The following CHST9 variants were observed in gnomAD, a reference collection of about 807,000 sequenced individuals.
The protein encoded by CHST9 is GalNAc-4-sulfotransferase 2.
CHST9 carries 41 observed loss-of-function variants against 44.4 expected under a neutral mutation model. That is an observed-to-expected ratio of 0.92 (90% CI 0.72 to 1.20). CHST9 has a LOEUF of 1.20. Ranked by LOEUF, CHST9 falls within the 50% of genes most tolerant of loss-of-function variation. CHST9 has a pLI of 0.00. For synonymous variants in CHST9, 171 were observed against 178.4 expected (o/e 0.96, Z 0.33); for missense variants, 504 against 516.5 (o/e 0.98, Z 0.23).
intron 4 of CHST9, among the ~76,000 whole-genome samples, chr18:27,007,612 A>G (rs960104015): frequency 6.6e-6 from 1 of 152,248 alleles, no homozygotes; most frequent in Non-Finnish European, 1.5e-5. Context: ...CAATAGAAGA[A>G]CAAAACTCAA....
chr18:26,984,732 A>AC (rs1449547450), intron 4 of CHST9, among the ~76,000 whole-genome samples: 1 of 150,066 alleles, frequency 6.7e-6, no homozygotes, highest in African/African-American at 2.4e-5. Flanking sequence ...CAAAAGACAA[A>AC]AAAAAAAAAA....
intron 4 of CHST9, among the ~76,000 whole-genome samples, chr18:27,005,763 G>T (rs1009741553): frequency 1.3e-5 from 2 of 152,040 alleles, no homozygotes; most frequent in African/African-American, 4.8e-5. Flanking sequence ...GAGGTGAGGG[G>T]GAAGCTCTTC....
intron 4 of CHST9, among the ~76,000 whole-genome samples, chr18:26,959,419 C>T (rs559692184): frequency 1.3e-5 from 2 of 152,296 alleles, no homozygotes; most frequent in South Asian, 4.1e-4. Flanking sequence ...TTCAGCATCA[C>T]ACAAGATACC....
chr18:27,082,952 T>G (rs1248973206), intron 2 of CHST9, among the ~76,000 whole-genome samples: 1 of 152,180 alleles, frequency 6.6e-6, no homozygotes, highest in Non-Finnish European at 1.5e-5. Flanking sequence ...CAACATCATG[T>G]TTCTTTGGTA....
intron 4 of CHST9, 37 bp from the exon 5 acceptor site, chr18:26,944,403 C>T (rs763070046): frequency 6.7e-7 from 1 of 1,481,778 alleles, no homozygotes; most frequent in Admixed American, 1.7e-5. Context: ...TACATTAAAG[C>T]ATGAAAATGA....
intron 1 of CHST9, among the ~76,000 whole-genome samples, chr18:27,172,003 G>T (rs1352447297): frequency 2.0e-5 from 3 of 152,116 alleles, no homozygotes; most frequent in Non-Finnish European, 4.4e-5. Flanking sequence ...CTAGAGGTCT[G>T]CATTCTGTTT....
intron 1 of CHST9, among the ~76,000 whole-genome samples, chr18:27,169,297 CATA>C (rs1394458765): frequency 6.6e-6 from 1 of 152,070 alleles, no homozygotes; most frequent in Non-Finnish European, 1.5e-5. Flanking sequence ...ATTTAGAAGT[CATA>C]AGCATATAGA....
rs1215867654 is a variant in CHST9 at position 26,915,013 on chromosome 18, G to A, written c.*1246C>T. 2.5e-6 allele frequency: 1 copy of A among 397,478 alleles called. No homozygotes were observed. The highest frequency in any genetic ancestry group is 4.4e-5 in the Admixed American group (1 of 22,672). The allele number at this position is 397,478 out of a possible 1,614,324, so 24.6% of individuals were successfully genotyped here. A position where few individuals can be genotyped will look rare whatever the true frequency, so the allele number is the denominator to read the frequency against. ...AAGGGATCTAATTTAGGATCCCTTG[G>A]AAAAAAATTCCAAAATGCATTACAA... On this transcript the variant is annotated 3_prime_UTR_variant, in exon 6 of 6. Transcript: ENST00000618847.
intron 2 of CHST9, among the ~76,000 whole-genome samples, chr18:27,058,083 G>A (rs1051679963): frequency 6.6e-6 from 1 of 152,204 alleles, no homozygotes; most frequent in South Asian, 2.1e-4. Flanking sequence ...TTTAGAGGTT[G>A]AAGTCAGACT....
intron 4 of CHST9, among the ~76,000 whole-genome samples, chr18:26,995,437 C>CAAAA (rs11284514): frequency 9.7e-6 from 1 of 102,678 alleles, no homozygotes; most frequent in Non-Finnish European, 2.0e-5. Context: ...GACTCCGTCT[C>CAAAA]AAAAAAAAAA....
chr18:27,076,263 A>G (rs566401471), intron 2 of CHST9, among the ~76,000 whole-genome samples: 7 of 152,326 alleles, frequency 4.6e-5, no homozygotes, highest in African/African-American at 1.7e-4. Flanking sequence ...CTGATATGGG[A>G]CAATTCCAGA....
chr18:27,000,295 C>T (rs139832426), intron 4 of CHST9, among the ~76,000 whole-genome samples: 94 of 152,248 alleles, frequency 6.2e-4, no homozygotes, highest in African/African-American at 2.1e-3. Flanking sequence ...ATTTGTTGGA[C>T]GTTTGAGGGC....
chr18:27,102,968 G>C (rs996452019), intron 2 of CHST9, among the ~76,000 whole-genome samples: 2 of 152,050 alleles, frequency 1.3e-5, no homozygotes, highest in Admixed American at 6.5e-5. Context: ...GTTTGTCATT[G>C]ACAAAGAGAC....
intron 2 of CHST9, among the ~76,000 whole-genome samples, chr18:27,064,908 A>G (rs941595956): frequency 6.6e-6 from 1 of 152,156 alleles, no homozygotes; most frequent in African/African-American, 2.4e-5. Flanking sequence ...CAAGCATCAC[A>G]TGCCACCTCT....
chr18:26,972,744 G>C (rs1439136274), intron 4 of CHST9, among the ~76,000 whole-genome samples: 2 of 152,248 alleles, frequency 1.3e-5, no homozygotes, highest in East Asian at 3.8e-4. Context: ...CGGCGAGCAA[G>C]ACAGTGATCC....
intron 5 of CHST9, among the ~76,000 whole-genome samples, chr18:26,933,314 T>C (rs1287143133): frequency 1.3e-5 from 2 of 152,218 alleles, no homozygotes; most frequent in Non-Finnish European, 2.9e-5. Context: ...GCTGAAAAAC[T>C]TGGGGTCACT....
At chr18:27,054,661 T>C (rs2057631891) in intron 2 of CHST9, among the ~76,000 whole-genome samples, 1 of 152,116 alleles carries the variant, frequency 6.6e-6, no homozygotes, top group African/African-American at 2.4e-5. Flanking sequence ...ATGGAAGTAG[T>C]CTCTTAATCA....
intron 4 of CHST9, among the ~76,000 whole-genome samples, chr18:27,002,917 A>G (rs2056970486): frequency 6.6e-6 from 1 of 152,214 alleles, no homozygotes; most frequent in Non-Finnish European, 1.5e-5. Flanking sequence ...ATGTGAAAAG[A>G]TGAAAATCTT....
intron 2 of CHST9, among the ~76,000 whole-genome samples, chr18:27,104,171 A>C (rs1598727376): frequency 6.6e-6 from 1 of 152,068 alleles, no homozygotes; most frequent in African/African-American, 2.4e-5. Context: ...CCCAAGGAAA[A>C]GTCTTCATAT....
Sources: allele counts gnomAD v4.1 joint callset (sites outside exome capture counted in the v4.1 genomes callset), GRCh38; gene constraint gnomAD v4.1.1; transcripts MANE v1.5; gene names NCBI Gene and HGNC (gene_info 2026-07-23, HGNC 2026-07-21).